Variants in TRAF7 observed in about 807,000 individuals in gnomAD.
The protein encoded by TRAF7 is TNF receptor associated factor 7.
A neutral mutation model predicts 89.3 loss-of-function variants in TRAF7; 45 were observed. The observed-to-expected ratio is 0.50, with a 90% CI of 0.40 to 0.65. TRAF7 has a LOEUF of 0.65. Ranked by LOEUF, TRAF7 falls within the 30% of genes least tolerant of loss-of-function variation. TRAF7 has a pLI of 0.00. For synonymous variants in TRAF7, 406 were observed against 369.2 expected (o/e 1.10, Z -1.14); for missense variants, 677 against 918.1 (o/e 0.74, Z 3.39).
chr16:2,176,536 G>A, intron 20 of TRAF7, 24 bp from the exon 21 acceptor site: 2 of 1,613,302 alleles, frequency 1.2e-6, no homozygotes, highest in East Asian at 2.2e-5. Flanking sequence ...AGGACATCCT[G>A]GTGAAGCAGC....
In TRAF7 at chr16:2,174,064, C is replaced by T. The variant is rs201849215; in HGVS notation, c.1263+16C>T. 9.3e-6 allele frequency: 15 copies of T among 1,612,154 alleles called. No individual in the cohort carries two copies. In the Admixed American group the frequency reaches 2.5e-4, roughly 27 times the overall value. Reference sequence around the variant, plus strand: ...GACCATCAAGGTGGGCAGGGTCCTACCTCAGTCTCTGCAGCCTGGCTGGGC... The same window carrying T: ...GACCATCAAGGTGGGCAGGGTCCTATCTCAGTCTCTGCAGCCTGGCTGGGC... On this transcript the variant is annotated intron_variant, in intron 13 of 20. Transcript: ENST00000326181.
Position 2,162,028 on chromosome 16 carries a change from A to G in TRAF7, c.-38-1855A>G, listed in dbSNP as rs1282473004. On this transcript the variant is annotated intron_variant, in intron 1 of 20. Transcript: ENST00000326181. The surrounding 1 kb of genome is among the most constrained non-coding windows in gnomAD (Gnocchi z 5.0). The stretch of plus-strand genomic sequence containing the variant: ...CACAGGGCCAAGCCCCTCGAGTCGC[A>G]GTGGGGCCTGGGGAAGGCCGAGGGA... 3.9e-5 allele frequency among the ~76,000 whole-genome samples: 6 copies of G among 152,096 alleles called. No individual in the cohort carries two copies. The highest frequency in any genetic ancestry group is 1.2e-4 in the African/African-American group (5 of 41,406).
chr16:2,166,112 C>T (rs1423393358), intron 3 of TRAF7, among the ~76,000 whole-genome samples, 176 bp downstream of exon 3: 2 of 152,242 alleles, frequency 1.3e-5, no homozygotes, highest in African/African-American at 4.8e-5. Context: ...TGGGCCTCCC[C>T]ACTGGACAGG....
intron 13 of TRAF7, 43 bp downstream of exon 13, chr16:2,174,091 GGGCACTGCCACATGCCT>G: frequency 6.2e-7 from 1 of 1,609,008 alleles, no homozygotes. Context: ...TGGCTGGGCT[GGGCACTGCCACATGCCT>G]GGCACTGCCA....
At chr16:2,171,506 C>A in intron 6 of TRAF7, 66 bp from the exon 7 acceptor site, 1 of 1,608,496 alleles carries the variant, frequency 6.2e-7, no homozygotes, top group African/African-American at 1.3e-5. Context: ...CTGTGGCTGC[C>A]ATGGCCATGG....
rs1414923808 is a variant in TRAF7 at position 2,161,153 on chromosome 16, C to T, written c.-38-2730C>T. On this transcript the variant is annotated intron_variant, in intron 1 of 20. Transcript: ENST00000326181. This position sits in a 1 kb window ranked among gnomAD's most constrained non-coding sequence, Gnocchi z 5.2. ...ACCCGAGTGAACTGGGAAGCAGCCTCCTGTGCAGAGTATCCCCCTCCTTCC... is the reference window on the plus strand; with the variant it reads ...ACCCGAGTGAACTGGGAAGCAGCCTTCTGTGCAGAGTATCCCCCTCCTTCC... 1.3e-5 allele frequency among the ~76,000 whole-genome samples: 2 copies of T among 151,822 alleles called. No individual in the cohort carries two copies. The highest frequency in any genetic ancestry group is 2.9e-5 in the Non-Finnish European group (2 of 67,898).
intron 14 of TRAF7, among the ~76,000 whole-genome samples, chr16:2,174,601 G>A (rs1163144091): frequency 5.9e-5 from 9 of 152,096 alleles, no homozygotes; most frequent in South Asian, 2.1e-4. Context: ...TGCACCTTGC[G>A]CAACCAGAAG....
At chr16:2,172,749 G>A (rs1037188315) in intron 9 of TRAF7, 150 bp downstream of exon 9, 79 of 1,097,992 alleles carry the variant, frequency 7.2e-5, no homozygotes, top group Non-Finnish European at 9.8e-5. Context: ...CAAGGCCCTG[G>A]AAACCCAGAG....
Position 2,172,568 on chromosome 16 carries a change from G to C in TRAF7, c.763G>C (p.Glu255Gln), listed in dbSNP as rs749528428. ...CCTGGAGGCCCACCTCAAGGAGTGC[G>C]AGCACATCAAATGCCCCCACTCCAA... ...MNLEAHLKEC[E>Q]HIKCPHSKYG... The change falls in exon 9 of 21, where the codon GAG becomes CAG. Residue 255 changes from glutamate (E) to glutamine (Q), a missense_variant. By Grantham distance (29) the Glu-to-Gln change is conservative. Transcript: ENST00000326181. The C allele has an allele frequency of 1.4e-5, 21 of 1,544,334 alleles. No individual in the cohort carries two copies. The highest frequency in any genetic ancestry group is 1.7e-5 in the Non-Finnish European group (19 of 1,144,262).
chr16:2,157,630 G>A (rs1338064251), intron 1 of TRAF7, among the ~76,000 whole-genome samples: 3 of 152,036 alleles, frequency 2.0e-5, no homozygotes, highest in African/African-American at 4.8e-5. Context: ...TGTGACTCTC[G>A]GCCAGCTGGT....
Position 2,163,700 on chromosome 16 carries a change from C to T in TRAF7, c.-38-183C>T. On this transcript the variant is annotated intron_variant, in intron 1 of 20. Transcript: ENST00000326181. This position sits in a 1 kb window ranked among gnomAD's most constrained non-coding sequence, Gnocchi z 4.3. ...GCCTGCCTGCCCGGGCCTCTGCATA[C>T]CTGGGATCGGGGTGAAGGACCTTTG... is the stretch of plus-strand genomic sequence containing the variant. The T allele has an allele frequency of 3.4e-6, 2 of 589,820 alleles. No individual in the cohort carries two copies. The highest frequency in any genetic ancestry group is 3.0e-6 in the Non-Finnish European group (1 of 329,576). The allele number at this position is 589,820 out of a possible 1,614,324, so 36.5% of individuals were successfully genotyped here.
chr16:2,176,166 G>T lies in TRAF7; in HGVS notation c.1864G>T (p.Asp622Tyr). The T allele has an allele frequency of 6.2e-7, 1 of 1,607,454 alleles. No homozygotes were observed. Among genetic ancestry groups the T allele is most frequent in the Non-Finnish European group, 8.5e-7 (1 of 1,179,276 alleles). The change falls in exon 19 of 21, where the codon GAC becomes TAC. Residue 622 changes from aspartate to tyrosine, a missense_variant. Asp to Tyr is a radical substitution (Grantham distance 160). Around this residue, in one of 6 missense-constraint regions of TRAF7, gnomAD observed 160 missense variants for 263.7 expected, o/e 0.61. Coordinates refer to ENST00000326181, the MANE Select transcript of TRAF7 (RefSeq NM_032271.3). ...GACCAAAGTCTTCAGTGCATCCTAC[G>T]ACCGGTCCCTCAGGGTGCGTGCTGG... ...DQTKVFSASY[D>Y]RSLRVWSMDN...
In TRAF7 at chr16:2,160,466, ATGGG is replaced by A. The variant is rs1488878328; in HGVS notation, c.-38-3416_-38-3413del. 1.2e-3 allele frequency among the ~76,000 whole-genome samples: 156 copies of A among 130,804 alleles called. 1 individual carries two copies. Among genetic ancestry groups the A allele is most frequent in the African/African-American group, 4.3e-3 (150 of 34,808 alleles). The allele number at this position is 130,804 out of a possible 152,430, so 85.8% of individuals were successfully genotyped here. A position where few individuals can be genotyped will look rare whatever the true frequency, so the allele number is the denominator to read the frequency against. ...TGGTGTGGACAGGCAGGCGGTGTGG[ATGGG>A]CGGGCGGTGTGGACGGGCGGGAGGT... On this transcript the variant is annotated intron_variant, in intron 1 of 20. Transcript: ENST00000326181.
chr16:2,173,859 T>TGGGCCGCCCCCC, intron 12 of TRAF7, 23 bp downstream of exon 12: 1 of 1,246,258 alleles, frequency 8.0e-7, no homozygotes, highest in Non-Finnish European at 1.1e-6. Flanking sequence ...CCGCCGTGGC[T>TGGGCCGCCCCCC]CCCGCCCACC....
intron 7 of TRAF7, among the ~76,000 whole-genome samples, chr16:2,171,918 G>T (rs931280907): frequency 2.0e-5 from 3 of 152,172 alleles, no homozygotes; most frequent in African/African-American, 7.2e-5. Context: ...TCGTCCTCCC[G>T]CACGGCGCCC....
intron 1 of TRAF7, among the ~76,000 whole-genome samples, chr16:2,160,267 T>C (rs2093052226): frequency 6.6e-6 from 1 of 151,994 alleles, no homozygotes; most frequent in South Asian, 2.1e-4. Context: ...GGGCCAATCC[T>C]GCCCTTCCCC....
Position 2,172,080 on chromosome 16 carries a change from C to T in TRAF7, c.476-111C>T, listed in dbSNP as rs1002309311. ...TGTGCCCCCGTTCCCATGTTGCGTG[C>T]CTCAGAGGCGCAGATGGACAGATCT... On this transcript the variant is annotated intron_variant, in intron 7 of 20. Transcript: ENST00000326181. 1.1e-5 allele frequency: 15 copies of T among 1,343,344 alleles called. No homozygotes were observed. In the African/African-American group the frequency reaches 1.7e-4, roughly 16 times the overall value. 83.2% of individuals were successfully genotyped at this position (1,343,344 alleles called of 1,614,324 possible). A position where few individuals can be genotyped will look rare whatever the true frequency, so the allele number is the denominator to read the frequency against.
chr16:2,164,101 G>A (rs566822053), intron 2 of TRAF7, 100 bp downstream of exon 2: 115 of 1,168,334 alleles, frequency 9.8e-5, no homozygotes, highest in South Asian at 4.9e-4. Context: ...GTCCCGTCCC[G>A]AGCTGGGGTC....
At position 2,156,223 on chromosome 16, in the gene TRAF7, C is replaced by G. The variant is rs2093033659; in HGVS notation, c.-39+365C>G. On this transcript the variant is annotated intron_variant, in intron 1 of 20. Coordinates refer to ENST00000326181, the MANE Select transcript of TRAF7 (RefSeq NM_032271.3). The stretch of plus-strand genomic sequence containing the variant: ...CGGCGTCTGCTGCAGGGTTCCCCAA[C>G]CTCCGCACCATCGACCACGCGGCCC... 2.0e-5 allele frequency among the ~76,000 whole-genome samples: 3 copies of G among 152,278 alleles called. No individual in the cohort carries two copies. The South Asian group carries it at 6.2e-4, about 32-fold the overall frequency.
Sources: allele counts gnomAD v4.1 joint callset (sites outside exome capture counted in the v4.1 genomes callset), GRCh38; gene constraint gnomAD v4.1.1; regional missense constraint gnomAD v4.1.1; non-coding constraint Gnocchi (gnomAD v3.1); transcripts MANE v1.5; gene names NCBI Gene and HGNC (gene_info 2026-07-23, HGNC 2026-07-21).